MMP14: variants seen among roughly 807,000 people sequenced by gnomAD.
The protein encoded by MMP14 is matrix metallopeptidase 14.
A neutral mutation model predicts 64.8 loss-of-function variants in MMP14; 13 were observed. The observed-to-expected ratio is 0.20, with a 90% CI of 0.13 to 0.32. The LOEUF (loss-of-function observed/expected upper bound fraction) is 0.32, where lower values mean the gene tolerates loss of function less well. MMP14 is among the 10% of genes least tolerant of loss of function. MMP14 has a pLI of 1.00. For missense variants in MMP14, 594 were observed against 783.8 expected (o/e 0.76, Z 2.89); for synonymous variants, 322 against 315.9 (o/e 1.02, Z -0.20).
chr14:22,837,031 C>G (rs2039738322), intron 1 of MMP14, 106 bp downstream of exon 1: 3 of 836,948 alleles, frequency 3.6e-6, no homozygotes, highest in Non-Finnish European at 5.9e-6. Context: ...TTTGGGATCT[C>G]CGCTGCTCAG....
rs2039773872 is a variant in MMP14 at position 22,841,658 on chromosome 14, CAGG to C, written c.257+22_257+24del. 5 of 1,613,268 alleles carry C rather than the reference CAGG, an allele frequency of 3.1e-6. No homozygotes were observed. Among genetic ancestry groups the C allele is most frequent in the African/African-American group, 2.7e-5 (2 of 74,908 alleles). On this transcript the variant is annotated intron_variant, in intron 2 of 9. Transcript: ENST00000311852. ...CCATGAAGTAAGTGCTAGACCCTGG[CAGG>C]AGTTCTGCCTAGCATCCACTGACAA...
chr14:22,836,607 CAG>C lies in MMP14; in HGVS notation c.-209_-208del, dbSNP rs1456328841. ...ACCAGACCCCAGTTCGCCGACTAAGCAGAAGAAAGATCAAAAACCGGAAAAGA... is the reference window on the plus strand; with the variant it reads ...ACCAGACCCCAGTTCGCCGACTAAGCAAGAAAGATCAAAAACCGGAAAAGA... On this transcript the variant is annotated 5_prime_UTR_variant, in exon 1 of 10. Coordinates refer to ENST00000311852, the MANE Select transcript of MMP14 (RefSeq NM_004995.4). 6 of 480,712 alleles carry C rather than the reference CAG, an allele frequency of 1.2e-5. No homozygotes were observed. Among genetic ancestry groups the C allele is most frequent in the African/African-American group, 1.2e-4 (6 of 49,306 alleles). The allele number at this position is 480,712 out of a possible 1,614,324, so 29.8% of individuals were successfully genotyped here.
Position 22,844,356 on chromosome 14 carries a change from T to A in MMP14, c.1012-15T>A. ...CAAGACATAATGGACTTTTCCTGCA[T>A]TGACCGGCTTCCAGGAGCGCTGGTT... On this transcript the variant is annotated splice_polypyrimidine_tract_variant and intron_variant, in intron 6 of 9. Transcript: ENST00000311852. 4 of 1,614,058 alleles carry A rather than the reference T, an allele frequency of 2.5e-6. No homozygotes were observed. Among genetic ancestry groups the A allele is most frequent in the Non-Finnish European group, 3.4e-6 (4 of 1,179,954 alleles).
rs12893368 is a variant in MMP14, at chr14:22,842,999, A to G, written c.689-258A>G. On this transcript the variant is annotated intron_variant, in intron 4 of 9. Coordinates refer to ENST00000311852, the MANE Select transcript of MMP14 (RefSeq NM_004995.4). This position sits in a 1 kb window ranked among gnomAD's most constrained non-coding sequence, Gnocchi z 5.3. The stretch of plus-strand genomic sequence containing the variant: ...CCGGGAGAAACTGGGGACTAGAGAG[A>G]GCCTTGGCTTCCCTTACCACAGGTC... Among the ~76,000 whole-genome samples, 29,649 of 152,152 alleles carry G rather than the reference A, an allele frequency of 0.19. 3,083 individuals carry two copies. The highest frequency in any genetic ancestry group is 0.39 in the East Asian group (2,036 of 5,160).
Position 22,843,056 on chromosome 14 carries a change from T to C in MMP14, c.689-201T>C, listed in dbSNP as rs1028541119. Among the ~76,000 whole-genome samples the C allele has an allele frequency of 6.6e-6, 1 of 152,138 alleles. No individual in the cohort carries two copies. Among genetic ancestry groups the C allele is most frequent in the Non-Finnish European group, 1.5e-5 (1 of 68,026 alleles). On this transcript the variant is annotated intron_variant, in intron 4 of 9. Coordinates refer to ENST00000311852, the MANE Select transcript of MMP14 (RefSeq NM_004995.4). This position sits in a 1 kb window ranked among gnomAD's most constrained non-coding sequence, Gnocchi z 4.8. Reference sequence around the variant, plus strand: ...GGATCGGGGTCCTGCTTCCAAGCACTCTCTCACCTCCACCCAGAGGAGCTT... The same window carrying C: ...GGATCGGGGTCCTGCTTCCAAGCACCCTCTCACCTCCACCCAGAGGAGCTT...
rs1253266751 is a variant in MMP14, at chr14:22,841,933, G to A, written c.278G>A (p.Cys93Tyr). 1 of 1,614,132 alleles carries A rather than the reference G, an allele frequency of 6.2e-7. No homozygotes were observed. Among genetic ancestry groups the A allele is most frequent in the African/African-American group, 1.3e-5 (1 of 74,932 alleles). The change falls in exon 3 of 10, where the codon TGT becomes TAT. Residue 93 changes from cysteine (C) to tyrosine (Y), a missense_variant. By Grantham distance (194) the Cys-to-Tyr change is radical. Transcript: ENST00000311852. Reference protein sequence around the residue: ...DTMKAMRRPRCGVPDKFGAEI... With the variant: ...DTMKAMRRPRYGVPDKFGAEI... Reference sequence around the variant, plus strand: ...TCCAGGGCCATGAGGCGCCCCCGATGTGGTGTTCCAGACAAGTTTGGGGCT... The same window carrying A: ...TCCAGGGCCATGAGGCGCCCCCGATATGGTGTTCCAGACAAGTTTGGGGCT...
chr14:22,845,176 G>A, intron 8 of MMP14, 75 bp from the exon 9 acceptor site: 2 of 1,081,420 alleles, frequency 1.8e-6, no homozygotes, highest in Non-Finnish European at 2.8e-6. Context: ...GCCCACTGGT[G>A]GATTCGGTCC....
chr14:22,844,290 C>T, intron 6 of MMP14, 81 bp from the exon 7 acceptor site: 1 of 1,564,838 alleles, frequency 6.4e-7, no homozygotes, highest in Non-Finnish European at 8.7e-7. Flanking sequence ...GAACAAACAG[C>T]AGTGCGGGAG....
chr14:22,839,836 C>T (rs2039760393), intron 1 of MMP14, among the ~76,000 whole-genome samples: 1 of 152,138 alleles, frequency 6.6e-6, no homozygotes, highest in African/African-American at 2.4e-5. Flanking sequence ...GGGCAACCTA[C>T]AGCCGCTTCC....
chr14:22,846,054 C>A lies in MMP14; in HGVS notation c.*15C>A. On this transcript the variant is annotated 3_prime_UTR_variant, in exon 10 of 10. Transcript: ENST00000311852. The stretch of plus-strand genomic sequence containing the variant: ...ACAAGGTCTGACGCCCACCGCCGGC[C>A]CGCCCACTCCTACCACAAGGACTTT... 1 of 1,458,056 alleles carries A rather than the reference C, an allele frequency of 6.9e-7. No individual in the cohort carries two copies. The allele number at this position is 1,458,056 out of a possible 1,614,324, so 90.3% of individuals were successfully genotyped here. A position where few individuals can be genotyped will look rare whatever the true frequency, so the allele number is the denominator to read the frequency against.
intron 1 of MMP14, among the ~76,000 whole-genome samples, chr14:22,840,015 C>CTGAG (rs2039762401): frequency 7.7e-6 from 1 of 129,734 alleles, no homozygotes; most frequent in Non-Finnish European, 1.5e-5. Context: ...GTCACCCAGG[C>CTGAG]TGAGTGCAGT....
At chr14:22,840,618 T>C (rs1014053760) in intron 1 of MMP14, among the ~76,000 whole-genome samples, 2 of 152,130 alleles carry the variant, frequency 1.3e-5, no homozygotes, top group East Asian at 1.9e-4. Context: ...ACACCATTCT[T>C]CTGCCTCAGC....
intron 2 of MMP14, 134 bp downstream of exon 2, chr14:22,841,773 C>T: frequency 6.5e-7 from 1 of 1,546,800 alleles, no homozygotes; most frequent in Non-Finnish European, 8.8e-7. Context: ...GATCCTGACC[C>T]TCTCATATTC....
chr14:22,837,733 C>T (rs2039745187), intron 1 of MMP14, among the ~76,000 whole-genome samples: 1 of 152,150 alleles, frequency 6.6e-6, no homozygotes, highest in South Asian at 2.1e-4. Context: ...AGGGTCTGGT[C>T]CGGGGTGCCC....
In MMP14 at chr14:22,846,227, A is replaced by G. The variant is rs564088561; in HGVS notation, c.*188A>G. On this transcript the variant is annotated 3_prime_UTR_variant, in exon 10 of 10. Coordinates refer to ENST00000311852, the MANE Select transcript of MMP14 (RefSeq NM_004995.4). ...TCCCTCCCTCCTGCCCCGGCATTGCATCTTCCCTAGATAGGTCCCCTGAGG... is the reference window on the plus strand; with the variant it reads ...TCCCTCCCTCCTGCCCCGGCATTGCGTCTTCCCTAGATAGGTCCCCTGAGG... 45 of 613,024 alleles carry G rather than the reference A, an allele frequency of 7.3e-5. No individual in the cohort carries two copies. In the South Asian group the frequency reaches 8.8e-4, roughly 12 times the overall value. The allele number at this position is 613,024 out of a possible 1,614,324, so 38.0% of individuals were successfully genotyped here.
intron 1 of MMP14, among the ~76,000 whole-genome samples, chr14:22,837,828 A>T (rs1427029187): frequency 6.6e-6 from 1 of 151,928 alleles, no homozygotes; most frequent in Non-Finnish European, 1.5e-5. Context: ...GCTGCGTGGG[A>T]GTTGTCTGAG....
Position 22,843,345 on chromosome 14 carries a change from C to G in MMP14, c.777C>G (p.Pro259=), listed in dbSNP as rs2236302. 183,158 of 1,613,690 alleles carry G rather than the reference C, an allele frequency of 0.11. 11,861 individuals are homozygous for G. Among genetic ancestry groups the G allele is most frequent in the African/African-American group, 0.29 (21,654 of 74,886 alleles). ...GTGACCCCTCGGCCATCATGGCACC[C>G]TTTTACCAGTGGATGGACACGGAGA... The part of the protein sequence containing the change: ...HSSDPSAIMA[P]FYQWMDTENF... Residue 259 remains proline, a synonymous_variant, in exon 5 of 10, where the codon CCC becomes CCG. Transcript: ENST00000311852. The surrounding 1 kb of genome is among the most constrained non-coding windows in gnomAD (Gnocchi z 4.8).
chr14:22,843,841 A>G lies in MMP14; in HGVS notation c.982A>G (p.Met328Val). ...TGACGGGAACTTTGACACCGTGGCC[A>G]TGCTCCGAGGGGAGATGTTTGTCTT... Reference protein sequence around the residue: ...ICDGNFDTVAMLRGEMFVFKE... With the variant: ...ICDGNFDTVAVLRGEMFVFKE... The change falls in exon 6 of 10, where the codon ATG becomes GTG. Residue 328 changes from methionine to valine, a missense_variant. This residue lies in a region of MMP14 where 364 missense variants were observed against 425.2 expected (regional missense o/e 0.86). Coordinates refer to ENST00000311852, the MANE Select transcript of MMP14 (RefSeq NM_004995.4). This position sits in a 1 kb window ranked among gnomAD's most constrained non-coding sequence, Gnocchi z 4.8. 3 of 1,612,940 alleles carry G rather than the reference A, an allele frequency of 1.9e-6. No individual in the cohort carries two copies. The highest frequency in any genetic ancestry group is 2.5e-6 in the Non-Finnish European group (3 of 1,179,762).
intron 9 of MMP14, 44 bp from the exon 10 acceptor site, chr14:22,845,664 T>G (rs140491352): frequency 1.9e-6 from 3 of 1,592,262 alleles, no homozygotes; most frequent in East Asian, 4.5e-5. Context: ...TCTCCTCTCT[T>G]TGGGTCTTCC....
Sources: allele counts gnomAD v4.1 joint callset (sites outside exome capture counted in the v4.1 genomes callset), GRCh38; gene constraint gnomAD v4.1.1; regional missense constraint gnomAD v4.1.1; non-coding constraint Gnocchi (gnomAD v3.1); transcripts MANE v1.5; gene names NCBI Gene and HGNC (gene_info 2026-07-23, HGNC 2026-07-21).